Variants in RRM2 observed in about 807,000 individuals in gnomAD.
RRM2 encodes ribonucleoside-diphosphate reductase subunit M2.
RRM2 carries 6 observed loss-of-function variants against 45.9 expected under a neutral mutation model. The ratio of observed to expected loss-of-function variants is 0.13; its 90% CI spans 0.07 to 0.26. The LOEUF (loss-of-function observed/expected upper bound fraction) is 0.26. Among genes scored for constraint, RRM2 ranks in the 10% least tolerant of loss-of-function variants. The pLI is 1.00. For synonymous variants in RRM2, 177 were observed against 173.0 expected, an observed-to-expected ratio of 1.02 and a Z score of -0.18; for missense variants, 343 against 489.5, an observed-to-expected ratio of 0.70 and a Z score of 2.82.
chr2:10,188,209 C>T (rs2125327834), intron 3 of RRM2, among the ~76,000 whole-genome samples: 1 of 152,322 alleles, frequency 6.6e-6, no homozygotes, highest in East Asian at 1.9e-4. Flanking sequence ...GCCCGGTGGT[C>T]CTGCCTGGGG....
intron 3 of RRM2, among the ~76,000 whole-genome samples, chr2:10,184,210 A>C (rs1280232317): frequency 6.6e-6 from 1 of 151,926 alleles, no homozygotes; most frequent in Non-Finnish European, 1.5e-5. Flanking sequence ...CAGGACTGCA[A>C]ACATCCTGCC....
rs1223965734 is a variant in RRM2 at position 10,205,280 on chromosome 2, CT to C, written n.483-5029del. Among the ~76,000 whole-genome samples, 2 of 152,174 alleles carry C rather than the reference CT, an allele frequency of 1.3e-5. No individual in the cohort carries two copies. Among genetic ancestry groups the C allele is most frequent in the African/African-American group, 4.8e-5 (2 of 41,428 alleles). On this transcript the variant is annotated intron_variant and non_coding_transcript_variant, in intron 3 of 3. Coordinates refer to the RRM2 transcript ENST00000381786. This position sits in a 1 kb window ranked among gnomAD's most constrained non-coding sequence, Gnocchi z 4.8. ...AGCGAACAGTCTCCTGGGGAGTCAG[CT>C]TGAATGGGGCCTGTGATATCTGCGG...
At chr2:10,197,154 G>A (rs999534050) in intron 3 of RRM2, among the ~76,000 whole-genome samples, 2 of 152,222 alleles carry the variant, frequency 1.3e-5, no homozygotes, top group Admixed American at 1.3e-4. Context: ...TGCTGACTCA[G>A]CCTCTGAGCC....
chr2:10,201,948 A>G (rs1043113731), intron 3 of RRM2, among the ~76,000 whole-genome samples: 1 of 152,246 alleles, frequency 6.6e-6, no homozygotes, highest in Non-Finnish European at 1.5e-5. Context: ...CCGAATTAAT[A>G]AATCCTTATA....
chr2:10,180,602 C>T (rs574723241), intron 3 of RRM2, among the ~76,000 whole-genome samples: 1 of 152,268 alleles, frequency 6.6e-6, no homozygotes, highest in African/African-American at 2.4e-5. Flanking sequence ...GCTCCTGCCT[C>T]CTGCTCACTA....
intron 3 of RRM2, among the ~76,000 whole-genome samples, chr2:10,173,612 C>T (rs959840521): frequency 2.6e-5 from 4 of 152,256 alleles, no homozygotes; most frequent in Non-Finnish European, 4.4e-5. Context: ...CACCTGGAAT[C>T]GGCCCTCATG....
downstream of RRM2, among the ~76,000 whole-genome samples, chr2:10,132,415 G>T (rs1662919142): frequency 6.6e-6 from 1 of 152,280 alleles, no homozygotes; most frequent in East Asian, 1.9e-4. Context: ...CATGGGGGGA[G>T]ATGATGTTTC....
In RRM2 at chr2:10,122,791, C is replaced by T. The variant is rs761441887; in HGVS notation, c.-8C>T. ...TGGCTGCTCGCTCTGCTTCGCTGCG[C>T]CTCCACTATGCTCTCCCTCCGTGTC... is the stretch of plus-strand genomic sequence containing the variant. On this transcript the variant is annotated 5_prime_UTR_variant, in exon 1 of 10. Transcript: ENST00000304567. 3 of 1,582,520 alleles carry T rather than the reference C, an allele frequency of 1.9e-6. No homozygotes were observed. Among genetic ancestry groups the T allele is most frequent in the Non-Finnish European group, 2.6e-6 (3 of 1,165,528 alleles).
chr2:10,189,244 G>A (rs1001253804), intron 3 of RRM2, among the ~76,000 whole-genome samples: 2 of 152,224 alleles, frequency 1.3e-5, no homozygotes, highest in East Asian at 3.9e-4. Flanking sequence ...CTTCCTGCGG[G>A]CAGTGGCCCC....
chr2:10,125,828 G>C lies in RRM2; in HGVS notation c.569+978G>C, dbSNP rs114005347. Among the ~76,000 whole-genome samples the C allele has an allele frequency of 4.1e-3, 628 of 152,266 alleles. 5 individuals are homozygous for C. Among genetic ancestry groups the C allele is most frequent in the African/African-American group, 0.014 (578 of 41,550 alleles). ...CTTGAAAGGACTGAGGAAACATTGG[G>C]AGTAAAGAGATTTGAACATGTTTAT... On this transcript the variant is annotated intron_variant, in intron 5 of 9. Transcript: ENST00000304567.
At chr2:10,149,145 T>C (rs576784487) in intron 3 of RRM2, among the ~76,000 whole-genome samples, 81 of 151,328 alleles carry the variant, frequency 5.4e-4, no homozygotes, top group Non-Finnish European at 9.6e-4. Context: ...TTTTTTTTTT[T>C]CGAGATGGAG....
Position 10,126,979 on chromosome 2 carries a change from C to T in RRM2, c.664+10C>T, listed in dbSNP as rs1367280001. ...AAAGAGGCTACCTATGGTAAGGAGA[C>T]CCTTGCCCCTACTTAAACCTGAGCT... On this transcript the variant is annotated intron_variant, in intron 6 of 9. Transcript: ENST00000304567. 10 of 1,612,528 alleles carry T rather than the reference C, an allele frequency of 6.2e-6. No homozygotes were observed. Among genetic ancestry groups the T allele is most frequent in the Non-Finnish European group, 8.5e-6 (10 of 1,178,688 alleles).
At chr2:10,155,474 G>T (rs538338989) in intron 3 of RRM2, among the ~76,000 whole-genome samples, 1 of 152,154 alleles carries the variant, frequency 6.6e-6, no homozygotes, top group East Asian at 1.9e-4. Flanking sequence ...ATTAGACTGA[G>T]CTTGGTGTGT....
upstream of RRM2, among the ~76,000 whole-genome samples, chr2:10,137,098 G>A (rs918738909): frequency 1.1e-4 from 16 of 152,260 alleles, no homozygotes; most frequent in African/African-American, 3.9e-4. Context: ...GCCACGTGCA[G>A]TCAGTTCCAC....
At chr2:10,154,525 G>A (rs2125316298) in intron 3 of RRM2, among the ~76,000 whole-genome samples, 1 of 151,096 alleles carries the variant, frequency 6.6e-6, no homozygotes, top group South Asian at 2.1e-4. Context: ...AAATTATCAG[G>A]CAGTATGAGG....
At chr2:10,197,232 A>G (rs907594740) in intron 3 of RRM2, among the ~76,000 whole-genome samples, 1 of 152,182 alleles carries the variant, frequency 6.6e-6, no homozygotes, top group Non-Finnish European at 1.5e-5. Flanking sequence ...GATCGAGGGA[A>G]GTCACAGGTA....
chr2:10,127,199 T>C lies in RRM2; in HGVS notation c.777T>C (p.Asn259=), dbSNP rs768477728. 1 of 1,614,026 alleles carries C rather than the reference T, an allele frequency of 6.2e-7. No homozygotes were observed. The highest frequency in any genetic ancestry group is 8.5e-7 in the Non-Finnish European group (1 of 1,180,040). The change falls in exon 7 of 10, where the codon AAT becomes AAC. Residue 259 remains asparagine, a synonymous_variant. Transcript: ENST00000304567. This position sits in a 1 kb window ranked among gnomAD's most constrained non-coding sequence, Gnocchi z 4.1. ...RGLMPGLTFS[N]ELISRDEGLH... is the part of the protein sequence containing the mutation. Reference sequence around the variant, plus strand: ...TGATGCCTGGCCTCACATTTTCTAATGAACTTATTAGCAGAGATGAGGTGA... The same window carrying C: ...TGATGCCTGGCCTCACATTTTCTAACGAACTTATTAGCAGAGATGAGGTGA...
chr2:10,160,963 C>T (rs1663543547), intron 3 of RRM2, among the ~76,000 whole-genome samples: 3 of 152,210 alleles, frequency 2.0e-5, no homozygotes, highest in Admixed American at 6.5e-5. Flanking sequence ...GAATTGTTTC[C>T]TAGCTGGTCG....
intron 3 of RRM2, among the ~76,000 whole-genome samples, chr2:10,156,480 G>A (rs1663429300): frequency 6.6e-6 from 1 of 152,192 alleles, no homozygotes; most frequent in South Asian, 2.1e-4. Flanking sequence ...GGGTCCAGCT[G>A]TGTCTCCAGT....
Sources: gnomAD v4.1 joint callset for allele counts (sites outside exome capture counted in the v4.1 genomes callset) on GRCh38, gnomAD v4.1.1 for gene constraint, Gnocchi (gnomAD v3.1) non-coding constraint, MANE v1.5 for transcripts, NCBI Gene and HGNC (gene_info 2026-07-23, HGNC 2026-07-21) for gene names.